SCN8A: variants seen among roughly 807,000 people sequenced by gnomAD.
SCN8A encodes sodium channel protein type 8 subunit alpha.
SCN8A carries 30 observed loss-of-function variants against 184.1 expected under a neutral mutation model. The observed-to-expected ratio is 0.16, with a 90% CI of 0.12 to 0.22. The LOEUF is 0.22. Among genes scored for constraint, SCN8A ranks in the 10% least tolerant of loss-of-function variants. SCN8A has a pLI of 1.00. For synonymous variants in SCN8A, 852 were observed against 907.0 expected (o/e 0.94, Z 1.09); for missense variants, 1,057 against 2,498.9 (o/e 0.42, Z 12.30).
intron 1 of SCN8A, among the ~76,000 whole-genome samples, chr12:51,631,105 T>C (rs1239792019): frequency 6.6e-6 from 1 of 152,232 alleles, no homozygotes; most frequent in Non-Finnish European, 1.5e-5. Flanking sequence ...AAGTTTTAGA[T>C]ACACTTGGTG....
chr12:51,721,926 A>G lies in SCN8A; in HGVS notation c.1998+18A>G. On this transcript the variant is annotated intron_variant, in intron 12 of 26. Coordinates refer to ENST00000627620, the MANE Select transcript of SCN8A (RefSeq NM_001330260.2). ...TGCCAGAGGTGAAAATTGATAAGGC[A>G]GCTACCGATGACAGTGTAAGGAAGA... The G allele has an allele frequency of 6.3e-7, 1 of 1,599,622 alleles. No homozygotes were observed. The highest frequency in any genetic ancestry group is 1.1e-5 in the South Asian group (1 of 91,074).
chr12:51,753,871 C>T (rs745982972), intron 14 of SCN8A, among the ~76,000 whole-genome samples: 3 of 151,960 alleles, frequency 2.0e-5, no homozygotes, highest in Admixed American at 6.6e-5. Context: ...TTTGACTGAA[C>T]CTGAGAATAA....
intron 2 of SCN8A, among the ~76,000 whole-genome samples, chr12:51,673,552 T>C (rs961061643): frequency 1.3e-5 from 2 of 152,230 alleles, no homozygotes; most frequent in African/African-American, 2.4e-5. Flanking sequence ...CCGTATAGCT[T>C]CAACTGGGCA....
At chr12:51,618,732 G>T (rs1018003732) in intron 1 of SCN8A, among the ~76,000 whole-genome samples, 1 of 152,036 alleles carries the variant, frequency 6.6e-6, no homozygotes, top group African/African-American at 2.4e-5. Context: ...GAGGAACAAG[G>T]CTGGCAGGTG....
intron 1 of SCN8A, among the ~76,000 whole-genome samples, chr12:51,619,336 C>A (rs527605986): frequency 1.0e-3 from 154 of 151,972 alleles, no homozygotes; most frequent in Non-Finnish European, 1.7e-3. Flanking sequence ...ATATTTATTC[C>A]ATTAATTTCA....
In SCN8A at chr12:51,751,552, A is replaced by G. The variant is rs1199545655; in HGVS notation, c.2329A>G (p.Met777Val). Residue 777 changes from methionine to valine, a missense_variant, in exon 14 of 27, where the codon ATG becomes GTG. Physicochemically the swap from Met to Val is conservative, Grantham distance 21 (BLOSUM62 1). Around this residue, in one of 19 missense-constraint regions of SCN8A, gnomAD observed 66 missense variants for 310.6 expected, o/e 0.21. Transcript: ENST00000627620. ...GTTTATGGCAATGGAGCACCATCCT[A>G]TGACACCACAATTTGAACATGTCTT... ...TLFMAMEHHP[M>V]TPQFEHVLAV... 6.2e-7 allele frequency: 1 copy of G among 1,613,848 alleles called. No homozygotes were observed. The highest frequency in any genetic ancestry group is 8.5e-7 in the Non-Finnish European group (1 of 1,179,796).
rs145190841 is a variant in SCN8A at position 51,724,936 on chromosome 12, A to G, written c.1998+3028A>G. On this transcript the variant is annotated intron_variant, in intron 12 of 26. Coordinates refer to ENST00000627620, the MANE Select transcript of SCN8A (RefSeq NM_001330260.2). ...GTTAAGCAGATGGCTGTGGAATGTA[A>G]GGCTTTCTGTACTGCTTTACACTGT... 9.2e-3 allele frequency among the ~76,000 whole-genome samples: 1,398 copies of G among 152,252 alleles called. 8 individuals are homozygous for G. Among genetic ancestry groups the G allele is most frequent in the Admixed American group, 0.016 (242 of 15,294 alleles).
At chr12:51,694,320 G>C (rs566243114) in intron 6 of SCN8A, among the ~76,000 whole-genome samples, 1 of 152,334 alleles carries the variant, frequency 6.6e-6, no homozygotes, top group South Asian at 2.1e-4. Context: ...ATAGCACATA[G>C]GCAGGCATTG....
At chr12:51,631,510 CTG>C in intron 1 of SCN8A, among the ~76,000 whole-genome samples, 1 of 152,354 alleles carries the variant, frequency 6.6e-6, no homozygotes, top group Middle Eastern at 3.4e-3. Context: ...TCAACTGGCA[CTG>C]TACTTTAAGA....
intron 1 of SCN8A, among the ~76,000 whole-genome samples, chr12:51,601,084 A>G (rs934258828): frequency 1.3e-5 from 2 of 152,182 alleles, no homozygotes; most frequent in African/African-American, 4.8e-5. Context: ...TCCTAGTTTG[A>G]ATGCTCAAAG....
chr12:51,802,080 T>C (rs1391485506), intron 26 of SCN8A, among the ~76,000 whole-genome samples: 8 of 152,058 alleles, frequency 5.3e-5, no homozygotes, highest in Non-Finnish European at 1.0e-4. Flanking sequence ...CAAGCAGTTC[T>C]TTTGGAGTGT....
rs191594072 is a variant in SCN8A at position 51,695,230 on chromosome 12, G to C, written c.707-4340G>C. The stretch of plus-strand genomic sequence containing the variant: ...TTATCTGACCCTCTGTGAAGTATAA[G>C]CAGCTGAATACCATTTCCAATTAAG... On this transcript the variant is annotated intron_variant, in intron 6 of 26. Transcript: ENST00000627620. 6.8e-4 allele frequency among the ~76,000 whole-genome samples: 104 copies of C among 152,272 alleles called. 3 individuals are homozygous for C. In the East Asian group the frequency reaches 0.018, roughly 27 times the overall value.
chr12:51,742,982 T>C lies in SCN8A; in HGVS notation c.1999-2921T>C, dbSNP rs900902893. ...ATTCTTTCTTCTGTCTGATCAATTC[T>C]CTTATTAAGAGACTCTAATGCATTG... is the stretch of plus-strand genomic sequence containing the variant. On this transcript the variant is annotated intron_variant, in intron 12 of 26. Transcript: ENST00000627620. Among the ~76,000 whole-genome samples the C allele has an allele frequency of 2.6e-5, 4 of 152,196 alleles. No homozygotes were observed. The East Asian group carries it at 7.7e-4, about 29-fold the overall frequency.
chr12:51,743,323 G>A lies in SCN8A; in HGVS notation c.1999-2580G>A, dbSNP rs568823516. Among the ~76,000 whole-genome samples the A allele has an allele frequency of 1.2e-4, 18 of 152,106 alleles. No individual in the cohort carries two copies. The East Asian group carries it at 3.1e-3, about 26-fold the overall frequency. On this transcript the variant is annotated intron_variant, in intron 12 of 26. Coordinates refer to ENST00000627620, the MANE Select transcript of SCN8A (RefSeq NM_001330260.2). ...AAGCTAGGTATTTTTTATAGTCTTCGCAATCTGGGCTTGTTTGTGCCTGTC... is the reference window on the plus strand; with the variant it reads ...AAGCTAGGTATTTTTTATAGTCTTCACAATCTGGGCTTGTTTGTGCCTGTC...
intron 1 of SCN8A, among the ~76,000 whole-genome samples, chr12:51,610,279 A>C (rs1426875279): frequency 6.7e-6 from 1 of 149,146 alleles, no homozygotes; most frequent in Non-Finnish European, 1.5e-5. Flanking sequence ...GTGAGTCCTT[A>C]TGTGTTAGGT....
chr12:51,784,989 G>T (rs1254728186), intron 21 of SCN8A, among the ~76,000 whole-genome samples: 1 of 152,128 alleles, frequency 6.6e-6, no homozygotes, highest in Non-Finnish European at 1.5e-5. Context: ...CCCACCTAAG[G>T]TCTGCTGTGA....
chr12:51,761,465 ATTATTATTTATTT>A, intron 14 of SCN8A, among the ~76,000 whole-genome samples: 1 of 147,962 alleles, frequency 6.8e-6, no homozygotes, highest in Non-Finnish European at 1.5e-5. Context: ...TTATTTATTT[ATTATTATTTATTT>A]ATTATTATTT....
intron 16 of SCN8A, among the ~76,000 whole-genome samples, chr12:51,766,481 C>T (rs1382755623): frequency 6.6e-6 from 1 of 152,164 alleles, no homozygotes; most frequent in African/African-American, 2.4e-5. Context: ...CTGGCCTCTA[C>T]CCACTAGATG....
chr12:51,774,254 A>G lies in SCN8A; in HGVS notation c.3711A>G (p.Lys1237=). 1.2e-6 allele frequency: 2 copies of G among 1,614,104 alleles called. No individual in the cohort carries two copies. Among genetic ancestry groups the G allele is most frequent in the Non-Finnish European group, 1.7e-6 (2 of 1,179,968 alleles). ...GCACCATCCTGGAATATGCTGACAA[A>G]GTCTTCACCTATATCTTCATCCTGG... is the stretch of plus-strand genomic sequence containing the variant. ...TIRTILEYAD[K]VFTYIFILEM... The change falls in exon 20 of 27, where the codon AAA becomes AAG. Residue 1237 remains lysine, a synonymous_variant. Coordinates refer to ENST00000627620, the MANE Select transcript of SCN8A (RefSeq NM_001330260.2).
Sources: gnomAD v4.1 joint callset for allele counts (sites outside exome capture counted in the v4.1 genomes callset) on GRCh38, gnomAD v4.1.1 for gene constraint, gnomAD v4.1.1 regional missense constraint, MANE v1.5 for transcripts, NCBI Gene and HGNC (gene_info 2026-07-23, HGNC 2026-07-21) for gene names.